ZNF224: variants seen among roughly 807,000 people sequenced by gnomAD.
The protein encoded by ZNF224 is bone marrow zinc finger 2.
A neutral mutation model predicts 10.5 loss-of-function variants in ZNF224; 8 were observed. The ratio of observed to expected loss-of-function variants is 0.76; its 90% CI spans 0.45 to 1.37. The LOEUF (loss-of-function observed/expected upper bound fraction) is 1.37. Ranked by LOEUF, ZNF224 falls within the 40% of genes most tolerant of loss-of-function variation. The pLI, the probability that ZNF224 is intolerant of heterozygous loss-of-function variation, is 0.00. For synonymous variants in ZNF224, 282 were observed against 287.8 expected (o/e 0.98, Z 0.20); for missense variants, 754 against 854.0 (o/e 0.88, Z 1.46).
intron 5 of ZNF224, chr19:44,105,272 T>C (rs966784215): frequency 6.6e-6 from 1 of 152,248 alleles, no homozygotes; most frequent in African/African-American, 2.4e-5. Flanking sequence ...AGACCTCATT[T>C]TGAGTAAGGT....
intron 1 of ZNF224, chr19:44,095,866 G>T (rs2087984714): frequency 6.7e-6 from 1 of 150,208 alleles, no homozygotes; most frequent in Non-Finnish European, 1.5e-5. Context: ...GGAGGTTGCA[G>T]TGAGCGGAGA....
intron 5 of ZNF224, among the ~76,000 whole-genome samples, chr19:44,104,517 C>T (rs1967608543): frequency 1.3e-5 from 2 of 152,292 alleles, no homozygotes; most frequent in South Asian, 4.1e-4. Context: ...TTACATTTCA[C>T]CAAGAGAAAA....
In ZNF224 at chr19:44,109,000, C is replaced by T; in HGVS notation, c.*716C>T. 1 of 212,826 alleles carries T rather than the reference C, an allele frequency of 4.7e-6. No individual in the cohort carries two copies. The highest frequency in any genetic ancestry group is 6.2e-5 in the South Asian group (1 of 16,126). The allele number at this position is 212,826 out of a possible 1,614,324, so 13.2% of individuals were successfully genotyped here. On this transcript the variant is annotated 3_prime_UTR_variant, in exon 6 of 6. Transcript: ENST00000693561. Reference sequence around the variant, plus strand: ...ATTGCACTTGGCTCCTGGCTTCCCCCCATCCTGTGCTCTGAAGTCAGAGTA... The same window carrying T: ...ATTGCACTTGGCTCCTGGCTTCCCCTCATCCTGTGCTCTGAAGTCAGAGTA...
intron 3 of ZNF224, among the ~76,000 whole-genome samples, chr19:44,099,729 G>T (rs939755424): frequency 3.9e-5 from 6 of 151,998 alleles, no homozygotes; most frequent in African/African-American, 9.6e-5. Flanking sequence ...TTCCTAATCA[G>T]ATTACCAAAG....
intron 1 of ZNF224, chr19:44,095,332 T>G (rs1315399082): frequency 6.5e-6 from 1 of 152,940 alleles, no homozygotes; most frequent in Non-Finnish European, 1.5e-5. Context: ...GTATTGCTTT[T>G]TTCTATTTTA....
chr19:44,107,769 G>A lies in ZNF224; in HGVS notation c.1609G>A (p.Glu537Lys), dbSNP rs1340061100. 1 of 1,601,472 alleles carries A rather than the reference G, an allele frequency of 6.2e-7. No individual in the cohort carries two copies. Among genetic ancestry groups the A allele is most frequent in the Non-Finnish European group, 8.5e-7 (1 of 1,172,468 alleles). ...LDMHQKVHTG[E>K]RPYNCKECGK... ...TATGCACCAGAAGGTCCACACAGGA[G>A]AGAGACCATACAATTGTAAGGAATG... The change falls in exon 6 of 6, where the codon GAG (glutamate) becomes AAG (lysine). Residue 537 changes from glutamate to lysine, a missense_variant. Coordinates refer to ENST00000693561, the MANE Select transcript of ZNF224 (RefSeq NM_001321645.3).
At chr19:44,097,392 G>T (rs943201345) in intron 2 of ZNF224, among the ~76,000 whole-genome samples, 1 of 152,066 alleles carries the variant, frequency 6.6e-6, no homozygotes, top group Non-Finnish European at 1.5e-5. Context: ...ATTTCCTCCT[G>T]CCTACTTATG....
chr19:44,098,001 T>C, intron 3 of ZNF224, 113 bp downstream of exon 3: 1 of 1,172,588 alleles, frequency 8.5e-7, no homozygotes, highest in South Asian at 1.4e-5. Context: ...TTTGAGGATC[T>C]CTTGTGTACC....
At position 44,097,848 on chromosome 19, in the gene ZNF224, G is replaced by C; in HGVS notation, c.-26G>C. ...CAGGAACTGCATCACTCAGGACTCTGCAAGTTTCCAGAAGTAAGAGGGAAA... is the reference window on the plus strand; with the variant it reads ...CAGGAACTGCATCACTCAGGACTCTCCAAGTTTCCAGAAGTAAGAGGGAAA... On this transcript the variant is annotated 5_prime_UTR_variant, in exon 3 of 6. Coordinates refer to ENST00000693561, the MANE Select transcript of ZNF224 (RefSeq NM_001321645.3). 6.2e-7 allele frequency: 1 copy of C among 1,613,798 alleles called. No homozygotes were observed.
chr19:44,107,252 G>C lies in ZNF224; in HGVS notation c.1092G>C (p.Met364Ile), dbSNP rs965025180. Reference sequence around the variant, plus strand: ...GGCGAGATCTTTATACGCATCATATGGTCCACACGGGAGAAAAGCCATATA... The same window carrying C: ...GGCGAGATCTTTATACGCATCATATCGTCCACACGGGAGAAAAGCCATATA... ...ICRRDLYTHH[M>I]VHTGEKPYNC... The change falls in exon 6 of 6, where the codon ATG becomes ATC. Residue 364 changes from methionine (M) to isoleucine (I), a missense_variant. Coordinates refer to ENST00000693561, the MANE Select transcript of ZNF224 (RefSeq NM_001321645.3). 6.3e-7 allele frequency: 1 copy of C among 1,590,158 alleles called. No homozygotes were observed. Among genetic ancestry groups the C allele is most frequent in the Non-Finnish European group, 8.6e-7 (1 of 1,168,378 alleles).
At chr19:44,103,075 T>G (rs1967581330) in intron 5 of ZNF224, among the ~76,000 whole-genome samples, 1 of 152,226 alleles carries the variant, frequency 6.6e-6, no homozygotes, top group Non-Finnish European at 1.5e-5. Context: ...TATACAGATT[T>G]AATTGTTAAA....
intron 5 of ZNF224, among the ~76,000 whole-genome samples, chr19:44,102,555 A>G (rs1309010192): frequency 6.6e-6 from 1 of 152,210 alleles, no homozygotes; most frequent in African/African-American, 2.4e-5. Context: ...GAGATATTGC[A>G]GAACATGTTT....
chr19:44,103,668 T>C (rs1425372325), intron 5 of ZNF224, among the ~76,000 whole-genome samples: 1 of 152,084 alleles, frequency 6.6e-6, no homozygotes, highest in Non-Finnish European at 1.5e-5. Flanking sequence ...ATCTATATCA[T>C]ATATTTTCTG....
chr19:44,100,762 T>TGGGAG, intron 3 of ZNF224, 39 bp from the exon 4 acceptor site: 5 of 1,588,782 alleles, frequency 3.1e-6, no homozygotes, highest in Non-Finnish European at 3.4e-6. Context: ...CAGGAATCAT[T>TGGGAG]GGTCATGAGA....
In ZNF224 at chr19:44,108,606, G is replaced by A. The variant is rs1967756804; in HGVS notation, c.*322G>A. 9 of 471,370 alleles carry A rather than the reference G, an allele frequency of 1.9e-5. No homozygotes were observed. Among genetic ancestry groups the A allele is most frequent in the Non-Finnish European group, 4.3e-6 (1 of 235,252 alleles). The allele number at this position is 471,370 out of a possible 1,614,324, so 29.2% of individuals were successfully genotyped here. A position where few individuals can be genotyped will look rare whatever the true frequency, so the allele number is the denominator to read the frequency against. ...AATTACAGCTATCATTCAGGAGACA[G>A]GCCTTAGAAAGAGTAAGAGTTCATG... On this transcript the variant is annotated 3_prime_UTR_variant, in exon 6 of 6. Transcript: ENST00000693561.
chr19:44,097,074 C>A, intron 2 of ZNF224: 1 of 242,098 alleles, frequency 4.1e-6, no homozygotes, highest in South Asian at 4.5e-5. Flanking sequence ...TTTCAGATTT[C>A]TCCACTATAA....
chr19:44,097,603 T>C (rs1049083458), intron 2 of ZNF224: 4 of 407,184 alleles, frequency 9.8e-6, no homozygotes, highest in African/African-American at 4.1e-5. Flanking sequence ...AATTTCCAAG[T>C]AAGATTCCAT....
intron 3 of ZNF224, 151 bp from the exon 4 acceptor site, chr19:44,100,650 A>T: frequency 1.0e-6 from 1 of 973,434 alleles, no homozygotes; most frequent in Non-Finnish European, 1.5e-6. Flanking sequence ...TTGTCAGGAT[A>T]CAGACAGAAT....
At position 44,107,008 on chromosome 19, in the gene ZNF224, C is replaced by T. The variant is rs371401155; in HGVS notation, c.848C>T (p.Thr283Met). The T allele has an allele frequency of 2.5e-5, 40 of 1,608,792 alleles. No individual in the cohort carries two copies. Among genetic ancestry groups the T allele is most frequent in the African/African-American group, 1.2e-4 (9 of 74,786 alleles). ...SQLQEHQRIH[T>M]GEKPFKCDIC... ...CTTCAAGAACATCAGAGAATCCATA[C>T]GGGGGAGAAGCCATTCAAATGTGAT... is the stretch of plus-strand genomic sequence containing the variant. Residue 283 changes from threonine (T) to methionine (M), a missense_variant, in exon 6 of 6, where the codon ACG becomes ATG. Physicochemically the swap from Thr to Met is moderately conservative, Grantham distance 81 (BLOSUM62 -1). Coordinates refer to ENST00000693561, the MANE Select transcript of ZNF224 (RefSeq NM_001321645.3).
Sources: gnomAD v4.1 joint callset for allele counts (sites outside exome capture counted in the v4.1 genomes callset) on GRCh38, gnomAD v4.1.1 for gene constraint, MANE v1.5 for transcripts, NCBI Gene and HGNC (gene_info 2026-07-23, HGNC 2026-07-21) for gene names.